Variants in DAPK1 observed in about 807,000 individuals in gnomAD.
The protein encoded by DAPK1 is death associated protein kinase 1.
In DAPK1, 56 loss-of-function variants were observed where a neutral mutation model predicts 144.9. The ratio of observed to expected loss-of-function variants is 0.39; its 90% CI spans 0.31 to 0.48. The LOEUF (loss-of-function observed/expected upper bound fraction) is 0.48, where lower values mean the gene tolerates loss of function less well. DAPK1 is among the 20% of genes least tolerant of loss of function. The pLI, the probability that DAPK1 is intolerant of heterozygous loss-of-function variation, is 0.95. For synonymous variants in DAPK1, 690 were observed against 749.0 expected (o/e 0.92, Z 1.29); for missense variants, 1,454 against 1,875.4 (o/e 0.78, Z 4.15).
rs1825675773 is a variant in DAPK1, at chr9:87,707,234, C to T, written c.4163C>T (p.Ala1388Val). The T allele has an allele frequency of 1.2e-6, 2 of 1,614,060 alleles. No homozygotes were observed. Among genetic ancestry groups the T allele is most frequent in the Non-Finnish European group, 8.5e-7 (1 of 1,180,032 alleles). ...CTGAGGGAGCTGGGTCGCCGGGATG[C>T]CGCAGACTTTTTGCTGAAGGCATCC... ...SKLRELGRRD[A>V]ADFLLKASSV... The change falls in exon 26 of 26, where the codon GCC (alanine) becomes GTC (valine). Residue 1388 changes from alanine to valine, a missense_variant. This residue lies in a region of DAPK1 where 1,025 missense variants were observed against 1,237.9 expected (regional missense o/e 0.83). Coordinates refer to ENST00000408954, the MANE Select transcript of DAPK1 (RefSeq NM_004938.4). The surrounding 1 kb of genome is among the most constrained non-coding windows in gnomAD (Gnocchi z 4.0).
At chr9:87,519,005 C>T (rs1042987021) in intron 2 of DAPK1, among the ~76,000 whole-genome samples, 3 of 152,090 alleles carry the variant, frequency 2.0e-5, no homozygotes, top group Non-Finnish European at 1.5e-5. Context: ...CAGAGGATTT[C>T]GCAAGAGGTG....
chr9:87,650,368 C>T (rs1013147604), intron 16 of DAPK1: 6 of 454,868 alleles, frequency 1.3e-5, no homozygotes, highest in African/African-American at 1.2e-4. Context: ...TAATTTTTAG[C>T]TTTTTTAGCT....
intron 2 of DAPK1, among the ~76,000 whole-genome samples, chr9:87,571,470 C>CGCACCCCA (rs1564000778): frequency 1.9e-5 from 1 of 53,696 alleles, no homozygotes; most frequent in Non-Finnish European, 3.4e-5. Context: ...CACACACACA[C>CGCACCCCA]ACACCAACAC....
rs865966794 is a variant in DAPK1 at position 87,531,903 on chromosome 9, C to T, written c.62+32764C>T. ...GCAGTAGTTTTCCCTCCATGTGCCC[C>T]CTGGGCTGATATTAATGTGTTCTAG... is the stretch of plus-strand genomic sequence containing the variant. On this transcript the variant is annotated intron_variant, in intron 2 of 25. Transcript: ENST00000408954. Among the ~76,000 whole-genome samples, 5 of 152,294 alleles carry T rather than the reference C, an allele frequency of 3.3e-5. 1 individual carries two copies. In the South Asian group the frequency reaches 8.3e-4, roughly 25 times the overall value.
intron 2 of DAPK1, among the ~76,000 whole-genome samples, chr9:87,598,632 T>C (rs117696738): frequency 0.011 from 1,634 of 152,314 alleles, 31 homozygotes; most frequent in South Asian, 0.024. Flanking sequence ...CAGATTATGC[T>C]TTTTCCTTCC....
intron 21 of DAPK1, among the ~76,000 whole-genome samples, chr9:87,696,516 A>C (rs1222555557): frequency 6.6e-6 from 1 of 152,182 alleles, no homozygotes; most frequent in Non-Finnish European, 1.5e-5. Context: ...GCAGACTGGG[A>C]AGTTCAAGGG....
At chr9:87,603,152 C>G (rs985480012) in intron 2 of DAPK1, among the ~76,000 whole-genome samples, 1 of 152,018 alleles carries the variant, frequency 6.6e-6, no homozygotes, top group African/African-American at 2.4e-5. Context: ...GGTGGGGACA[C>G]AATAACATCT....
In DAPK1 at chr9:87,605,055, G is replaced by T. The variant is rs1236051942; in HGVS notation, c.164G>T (p.Gly55Val). The change falls in exon 3 of 26, where the codon GGT (glycine) becomes GTT (valine). Residue 55 changes from glycine to valine, a missense_variant. By Grantham distance (109) the Gly-to-Val change is moderately radical. Coordinates refer to ENST00000408954, the MANE Select transcript of DAPK1 (RefSeq NM_004938.4). ...AGGAGGACTAAGTCCAGCCGGCGGG[G>T]TGTGAGCCGCGAGGACATCGAGCGG... ...KKRRTKSSRR[G>V]VSREDIEREV... 1.4e-5 allele frequency: 22 copies of T among 1,614,118 alleles called. No individual in the cohort carries two copies. Among genetic ancestry groups the T allele is most frequent in the Non-Finnish European group, 1.9e-5 (22 of 1,180,052 alleles).
In DAPK1 at chr9:87,633,358, G is replaced by T. The variant is rs74713197; in HGVS notation, c.285-4585G>T. On this transcript the variant is annotated intron_variant, in intron 3 of 25. Transcript: ENST00000408954. Reference sequence around the variant, plus strand: ...AAGATGAGTATATGTGCGTATGGGTGAGGGGGGATGGAGTGAATACATAGG... The same window carrying T: ...AAGATGAGTATATGTGCGTATGGGTTAGGGGGGATGGAGTGAATACATAGG... The T allele has an allele frequency of 1.3e-4, 132 of 985,180 alleles. No individual in the cohort carries two copies. The African/African-American group carries it at 2.1e-3, about 16-fold the overall frequency. The allele number at this position is 985,180 out of a possible 1,614,324, so 61.0% of individuals were successfully genotyped here.
At chr9:87,640,774 T>C (rs1413659052) in intron 8 of DAPK1, 28 bp from the exon 9 acceptor site, 1 of 1,607,140 alleles carries the variant, frequency 6.2e-7, no homozygotes, top group Non-Finnish European at 8.5e-7. Context: ...GGTCACAGCA[T>C]TTTTTTTCTT....
chr9:87,584,523 C>T (rs868539664), intron 2 of DAPK1, among the ~76,000 whole-genome samples: 5 of 152,160 alleles, frequency 3.3e-5, no homozygotes, highest in African/African-American at 1.2e-4. Flanking sequence ...TTTGTGGAAC[C>T]TCCAGATTGT....
At chr9:87,640,644 A>G (rs1359846000) in intron 8 of DAPK1, among the ~76,000 whole-genome samples, 158 bp from the exon 9 acceptor site, 1 of 152,266 alleles carries the variant, frequency 6.6e-6, no homozygotes, top group Non-Finnish European at 1.5e-5. Context: ...CTGCAGGCAC[A>G]GTGAAATAAT....
At chr9:87,570,312 G>T (rs528426103) in intron 2 of DAPK1, among the ~76,000 whole-genome samples, 10 of 152,214 alleles carry the variant, frequency 6.6e-5, no homozygotes, top group Non-Finnish European at 1.2e-4. Context: ...CTCCAGCTTT[G>T]TCTAATTATT....
At chr9:87,675,553 A>ACC (rs1824334506) in intron 19 of DAPK1, among the ~76,000 whole-genome samples, 1 of 152,040 alleles carries the variant, frequency 6.6e-6, no homozygotes, top group African/African-American at 2.4e-5. Context: ...TATAGACCTT[A>ACC]CCCAGCGGGT....
chr9:87,619,696 G>A (rs1404658425), intron 3 of DAPK1, among the ~76,000 whole-genome samples: 1 of 152,176 alleles, frequency 6.6e-6, no homozygotes, highest in Non-Finnish European at 1.5e-5. Context: ...ATGGGAACGA[G>A]CTCAATAGAA....
chr9:87,646,371 G>C, intron 12 of DAPK1, 90 bp from the exon 13 acceptor site: 1 of 930,520 alleles, frequency 1.1e-6, no homozygotes, highest in South Asian at 1.4e-5. Context: ...GTTGAGACAG[G>C]GGAAGGTGTG....
intron 2 of DAPK1, among the ~76,000 whole-genome samples, chr9:87,523,022 G>T: frequency 6.6e-6 from 1 of 151,826 alleles, no homozygotes; most frequent in African/African-American, 2.4e-5. Context: ...TTTTCTCTAG[G>T]TTGTCATTTG....
rs546470070 is a variant in DAPK1 at position 87,681,424 on chromosome 9, C to G, written c.2022C>G (p.Phe674Leu). The G allele has an allele frequency of 1.9e-6, 3 of 1,609,878 alleles. No homozygotes were observed. The highest frequency in any genetic ancestry group is 2.2e-5 in the South Asian group (2 of 90,984). Reference sequence around the variant, plus strand: ...CTCAGGATACGCACCGAGGACTCTTCATCCAGCAGCTCCGACCCACACAGA... The same window carrying G: ...CTCAGGATACGCACCGAGGACTCTTGATCCAGCAGCTCCGACCCACACAGA... ...RLRKDTHRGL[F>L]IQQLRPTQNL... Residue 674 changes from phenylalanine (F) to leucine (L), a missense_variant, in exon 20 of 26, where the codon TTC (phenylalanine) becomes TTG (leucine). Phe to Leu is a conservative substitution (Grantham distance 22). This residue lies in a region of DAPK1 where 1,025 missense variants were observed against 1,237.9 expected (regional missense o/e 0.83). Transcript: ENST00000408954.
intron 14 of DAPK1, 102 bp from the exon 15 acceptor site, chr9:87,648,679 A>G (rs1830343839): frequency 9.6e-7 from 1 of 1,045,450 alleles, no homozygotes; most frequent in Non-Finnish European, 1.5e-6. Context: ...ACCAAAGGGG[A>G]CAGAGTGGAA....
Sources: allele counts gnomAD v4.1 joint callset (sites outside exome capture counted in the v4.1 genomes callset), GRCh38; gene constraint gnomAD v4.1.1; regional missense constraint gnomAD v4.1.1; non-coding constraint Gnocchi (gnomAD v3.1); transcripts MANE v1.5; gene names NCBI Gene and HGNC (gene_info 2026-07-23, HGNC 2026-07-21).